GABPB2: variants seen among roughly 807,000 people sequenced by gnomAD.
The protein encoded by GABPB2 is GA-binding protein subunit beta-2.
GABPB2 carries 23 observed loss-of-function variants against 39.1 expected under a neutral mutation model. The ratio of observed to expected loss-of-function variants is 0.59; its 90% CI spans 0.42 to 0.83. The LOEUF is 0.83. Among genes scored for constraint, GABPB2 ranks in the 40% least tolerant of loss-of-function variants. The pLI, the probability that GABPB2 is intolerant of heterozygous loss-of-function variation, is 0.00. For synonymous variants in GABPB2, 184 were observed against 199.3 expected, an observed-to-expected ratio of 0.92 and a Z score of 0.65; for missense variants, 467 against 541.1, an observed-to-expected ratio of 0.86 and a Z score of 1.36.
At chr1:151,079,586 C>G (rs1677473378) in intron 1 of GABPB2, among the ~76,000 whole-genome samples, 1 of 151,434 alleles carries the variant, frequency 6.6e-6, no homozygotes. Context: ...TGAAAGCAGA[C>G]TACAGTATAA....
intron 1 of GABPB2, among the ~76,000 whole-genome samples, chr1:151,071,660 C>T (rs932026468): frequency 1.3e-5 from 2 of 152,016 alleles, no homozygotes; most frequent in Non-Finnish European, 2.9e-5. Flanking sequence ...TTAATAGAGA[C>T]GGGGTTTCAC....
intron 7 of GABPB2, among the ~76,000 whole-genome samples, chr1:151,110,383 G>A (rs1019796850): frequency 1.3e-5 from 2 of 151,956 alleles, no homozygotes; most frequent in Non-Finnish European, 2.9e-5. Context: ...GTAGGTGAGA[G>A]ACTCTGCTTA....
intron 7 of GABPB2, among the ~76,000 whole-genome samples, chr1:151,113,497 A>G (rs1405810167): frequency 1.3e-5 from 2 of 151,000 alleles, no homozygotes; most frequent in African/African-American, 4.9e-5. Context: ...AAATGCTGTG[A>G]TTACAGGCAT....
chr1:151,097,817 G>C (rs767607919), intron 4 of GABPB2, 35 bp from the exon 5 acceptor site: 41 of 1,581,602 alleles, frequency 2.6e-5, no homozygotes, highest in Non-Finnish European at 3.4e-5. Flanking sequence ...AAGCTAATAA[G>C]TGTTCTGATT....
At position 151,076,708 on chromosome 1, in the gene GABPB2, G is replaced by A. The variant is rs1173050197; in HGVS notation, c.-1+5774G>A. On this transcript the variant is annotated intron_variant, in intron 1 of 8. Coordinates refer to ENST00000368918, the MANE Select transcript of GABPB2 (RefSeq NM_144618.3). The stretch of plus-strand genomic sequence containing the variant: ...GCCTCCCAAAGTGCTGGGATTACAG[G>A]TGTGAGCCACTGTGCCTTGCCAGTC... Among the ~76,000 whole-genome samples, 4 of 151,348 alleles carry A rather than the reference G, an allele frequency of 2.6e-5. No homozygotes were observed. The East Asian group carries it at 7.8e-4, about 29-fold the overall frequency.
intron 1 of GABPB2, among the ~76,000 whole-genome samples, chr1:151,077,294 A>G (rs1221498846): frequency 1.3e-5 from 2 of 150,940 alleles, no homozygotes; most frequent in Non-Finnish European, 3.0e-5. Context: ...ACTTTCTGAC[A>G]GGCCCAGGAG....
At chr1:151,088,454 T>C (rs1218958041) in intron 2 of GABPB2, 157 bp downstream of exon 2, 5 of 1,374,644 alleles carry the variant, frequency 3.6e-6, no homozygotes, top group Non-Finnish European at 4.9e-6. Flanking sequence ...AATATGTGGT[T>C]TTCTTTTTCT....
At chr1:151,082,083 T>C (rs941280418) in intron 1 of GABPB2, among the ~76,000 whole-genome samples, 3 of 149,998 alleles carry the variant, frequency 2.0e-5, no homozygotes, top group Admixed American at 1.3e-4. Context: ...TTTCTTTTTT[T>C]TTTTTTTTTT....
rs1310555273 is a variant in GABPB2, at chr1:151,115,879, GAAT to G, written c.923-1511_923-1509del. Among the ~76,000 whole-genome samples, 7 of 150,868 alleles carry G rather than the reference GAAT, an allele frequency of 4.6e-5. No homozygotes were observed. In the East Asian group the frequency reaches 6.1e-4, roughly 13 times the overall value. On this transcript the variant is annotated intron_variant, in intron 7 of 8. Transcript: ENST00000368918. Reference sequence around the variant, plus strand: ...GTACTTTGGGAGGCCAAGGCAGGTGGAATATCTGAGGTCAGGAGTTTGAGACCA... The same window carrying G: ...GTACTTTGGGAGGCCAAGGCAGGTGGATCTGAGGTCAGGAGTTTGAGACCA...
intron 2 of GABPB2, among the ~76,000 whole-genome samples, chr1:151,089,492 C>T (rs1366348601): frequency 2.6e-5 from 4 of 152,118 alleles, no homozygotes; most frequent in Non-Finnish European, 2.9e-5. Context: ...GCTGTTGATA[C>T]ATCATTGCTA....
chr1:151,089,639 A>C (rs114630644), intron 2 of GABPB2, among the ~76,000 whole-genome samples: 1,652 of 151,908 alleles, frequency 0.011, 43 homozygotes, highest in African/African-American at 0.038. Flanking sequence ...TCTTTTTTAA[A>C]ATTTACTTTA....
intron 7 of GABPB2, among the ~76,000 whole-genome samples, chr1:151,109,381 A>G (rs1680225597): frequency 9.1e-6 from 1 of 109,564 alleles, no homozygotes; most frequent in African/African-American, 3.7e-5. Flanking sequence ...TTTTTGAGTC[A>G]GAATCTTGCT....
At chr1:151,107,500 C>CT (rs764912164) in intron 7 of GABPB2, among the ~76,000 whole-genome samples, 3,137 of 143,068 alleles carry the variant, frequency 0.022, 91 homozygotes, top group African/African-American at 0.07. Flanking sequence ...ACTGATGGCT[C>CT]TTTTTTTTTT....
chr1:151,118,008 A>G lies in GABPB2; in HGVS notation c.1099A>G (p.Arg367Gly). Residue 367 changes from arginine (R) to glycine (G), a missense_variant, in exon 9 of 9, where the codon AGA (arginine) becomes GGA (glycine). Physicochemically the swap from Arg to Gly is moderately radical, Grantham distance 125. Coordinates refer to ENST00000368918, the MANE Select transcript of GABPB2 (RefSeq NM_144618.3). Reference protein sequence around the residue: ...LQQQLQEANRRAQEYRHQLLK... With the variant: ...LQQQLQEANRGAQEYRHQLLK... Reference sequence around the variant, plus strand: ...GCAACAACTCCAGGAGGCCAATCGAAGAGCCCAGGAATACCGACACCAGCT... The same window carrying G: ...GCAACAACTCCAGGAGGCCAATCGAGGAGCCCAGGAATACCGACACCAGCT... 1.2e-6 allele frequency: 2 copies of G among 1,614,108 alleles called. No individual in the cohort carries two copies. Among genetic ancestry groups the G allele is most frequent in the Non-Finnish European group, 1.7e-6 (2 of 1,179,986 alleles).
intron 2 of GABPB2, among the ~76,000 whole-genome samples, chr1:151,089,567 C>T (rs1678492094): frequency 6.6e-6 from 1 of 152,180 alleles, no homozygotes; most frequent in South Asian, 2.1e-4. Flanking sequence ...AAAAACTTTT[C>T]TTCCAGTCAG....
At chr1:151,080,675 CCATCT>C (rs1189986942) in intron 1 of GABPB2, among the ~76,000 whole-genome samples, 1 of 150,484 alleles carries the variant, frequency 6.6e-6, no homozygotes, top group Non-Finnish European at 1.5e-5. Context: ...TGGTGAAACC[CCATCT>C]CTACTAAAAA....
chr1:151,117,712 T>C (rs587759118), intron 8 of GABPB2, among the ~76,000 whole-genome samples, 196 bp downstream of exon 8: 1 of 152,128 alleles, frequency 6.6e-6, no homozygotes, highest in Non-Finnish European at 1.5e-5. Flanking sequence ...GCCTCCTGAG[T>C]AGCTGGGATT....
At chr1:151,111,459 G>T (rs587665240) in intron 7 of GABPB2, among the ~76,000 whole-genome samples, 2 of 145,460 alleles carry the variant, frequency 1.4e-5, no homozygotes, top group Admixed American at 1.4e-4. Context: ...GTCTCGCTCT[G>T]TCACCCAGGC....
chr1:151,085,595 C>G (rs1678115506), intron 1 of GABPB2, among the ~76,000 whole-genome samples: 1 of 151,954 alleles, frequency 6.6e-6, no homozygotes, highest in Non-Finnish European at 1.5e-5. Context: ...CATCTGCCAC[C>G]ACACCTGGCT....
Sources: allele counts gnomAD v4.1 joint callset (sites outside exome capture counted in the v4.1 genomes callset), GRCh38; gene constraint gnomAD v4.1.1; transcripts MANE v1.5; gene names NCBI Gene and HGNC (gene_info 2026-07-23, HGNC 2026-07-21).